Variants in R3HDM1 observed in about 807,000 individuals in gnomAD.
R3HDM1 encodes R3H domain containing 1, also known as R3H domain-containing protein 1.
In R3HDM1, 46 loss-of-function variants were observed where a neutral mutation model predicts 141.1. The ratio of observed to expected loss-of-function variants is 0.33; its 90% confidence interval spans 0.26 to 0.42. The LOEUF is 0.42. Among genes scored for constraint, R3HDM1 ranks in the 10% least tolerant of loss-of-function variants. The pLI, the probability that R3HDM1 is intolerant of heterozygous loss-of-function variation, is 1.00. For synonymous variants in R3HDM1, 435 were observed against 472.9 expected (o/e 0.92, Z 1.04); for missense variants, 1,184 against 1,368.3 (o/e 0.87, Z 2.12).
At chr2:135,569,862 G>GA (rs1450627077) in intron 1 of R3HDM1, among the ~76,000 whole-genome samples, 1 of 152,014 alleles carries the variant, frequency 6.6e-6, no homozygotes, top group Non-Finnish European at 1.5e-5. Context: ...GAGTAGCTGG[G>GA]ACTACAGGTG....
chr2:135,602,691 AT>A lies in R3HDM1; in HGVS notation c.-57del. On this transcript the variant is annotated 5_prime_UTR_variant, in exon 2 of 27. It removes the in-frame stop codon of an upstream open reading frame in the 5' UTR. Transcript: ENST00000683871. The stretch of plus-strand genomic sequence containing the variant: ...TTTTTGTGGGACACCACAATCCCAA[AT>A]CCAAAGGACGCATCAGGTAATGCTT... The A allele has an allele frequency of 6.5e-7, 1 of 1,527,986 alleles. No individual in the cohort carries two copies. Among genetic ancestry groups the A allele is most frequent in the Non-Finnish European group, 8.8e-7 (1 of 1,139,854 alleles). 94.7% of individuals were successfully genotyped at this position (1,527,986 alleles called of 1,614,324 possible).
At chr2:135,581,083 C>A in intron 1 of R3HDM1, 1 of 632,990 alleles carries the variant, frequency 1.6e-6, no homozygotes, top group South Asian at 7.1e-5. Flanking sequence ...ACTAGACCAT[C>A]TATGGTATGA....
At chr2:135,533,813 C>T (rs1477718016) in intron 1 of R3HDM1, 5 of 182,308 alleles carry the variant, frequency 2.7e-5, no homozygotes, top group Non-Finnish European at 4.2e-5. Flanking sequence ...TGGGAGGCAG[C>T]GGTGAGCCGA....
At chr2:135,641,405 A>G (rs2063780216) in intron 14 of R3HDM1, 131 bp from the exon 15 acceptor site, 2 of 1,077,346 alleles carry the variant, frequency 1.9e-6, no homozygotes, top group African/African-American at 1.6e-5. Context: ...CGTGGACAGT[A>G]AATTAAAAAG....
intron 1 of R3HDM1, among the ~76,000 whole-genome samples, chr2:135,574,352 T>C (rs1214011174): frequency 6.6e-6 from 1 of 152,188 alleles, no homozygotes; most frequent in East Asian, 1.9e-4. Flanking sequence ...AAATAATTCT[T>C]CTAAACTATC....
intron 21 of R3HDM1, among the ~76,000 whole-genome samples, chr2:135,704,088 C>A (rs1575139347): frequency 6.6e-6 from 1 of 152,214 alleles, no homozygotes; most frequent in East Asian, 1.9e-4. Flanking sequence ...TCAAGCAGTT[C>A]TCCTGCCTCA....
intron 1 of R3HDM1, among the ~76,000 whole-genome samples, chr2:135,599,099 A>G (rs1222774584): frequency 6.6e-6 from 1 of 152,124 alleles, no homozygotes; most frequent in Non-Finnish European, 1.5e-5. Flanking sequence ...TTACTTTTTT[A>G]AGGTTATGAC....
chr2:135,616,741 TATCACAGGAG>T lies in R3HDM1; in HGVS notation c.289_298del (p.Ser97ThrfsTer9), dbSNP rs1559252149. On this transcript the variant is annotated frameshift_variant, in exon 5 of 27. Transcript: ENST00000683871. LOFTEE classifies it high-confidence loss of function. ...TCTCCACCACCCCCTGCACCAGAGA[TATCACAGGAG>T]AACCAGGTAAAAAAGCAAAACAAAT... is the stretch of plus-strand genomic sequence containing the variant. 1 of 1,604,718 alleles carries T rather than the reference TATCACAGGAG, an allele frequency of 6.2e-7. No individual in the cohort carries two copies. The highest frequency in any genetic ancestry group is 8.5e-7 in the Non-Finnish European group (1 of 1,173,544).
At chr2:135,617,234 G>A (rs1214500736) in intron 5 of R3HDM1, among the ~76,000 whole-genome samples, 2 of 152,026 alleles carry the variant, frequency 1.3e-5, no homozygotes, top group East Asian at 1.9e-4. Context: ...GGCTGAGGCA[G>A]GAAAATGGTG....
intron 1 of R3HDM1, among the ~76,000 whole-genome samples, chr2:135,590,959 T>A (rs1288501725): frequency 6.6e-6 from 1 of 152,150 alleles, no homozygotes; most frequent in Non-Finnish European, 1.5e-5. Context: ...TGTGATCCTT[T>A]GTTAGAAAAA....
At chr2:135,668,557 AG>A (rs2067867216) in intron 19 of R3HDM1, among the ~76,000 whole-genome samples, 1 of 152,218 alleles carries the variant, frequency 6.6e-6, no homozygotes, top group Non-Finnish European at 1.5e-5. Context: ...AGTTTAGAAC[AG>A]TTCTTCAGAC....
At position 135,651,941 on chromosome 2, in the gene R3HDM1, C is replaced by G. The variant is rs755286565; in HGVS notation, c.1937C>G (p.Pro646Arg). ...PPPPPLPPGQ[P>R]VPTAGYPASG... is the part of the protein sequence containing the mutation. ...CCTCCTCCCCTACCACCTGGGCAGCCAGTCCCTACTGCTGGATATCCTGCC... is the reference window on the plus strand; with the variant it reads ...CCTCCTCCCCTACCACCTGGGCAGCGAGTCCCTACTGCTGGATATCCTGCC... The change falls in exon 18 of 27, where the codon CCA (proline) becomes CGA (arginine). Residue 646 changes from proline (P) to arginine (R), a missense_variant. Around this residue, in one of 5 missense-constraint regions of R3HDM1, gnomAD observed 563 missense variants for 562.0 expected, o/e 1.00. Coordinates refer to ENST00000683871, the MANE Select transcript of R3HDM1 (RefSeq NM_001378107.1). 13 of 1,613,952 alleles carry G rather than the reference C, an allele frequency of 8.1e-6. No homozygotes were observed. In the Admixed American group the frequency reaches 2.2e-4, roughly 27 times the overall value.
At position 135,531,520 on chromosome 2, in the gene R3HDM1, C is replaced by T; in HGVS notation, c.-363C>T. The T allele has an allele frequency of 1.0e-6, 1 of 985,642 alleles. No individual in the cohort carries two copies. The highest frequency in any genetic ancestry group is 1.2e-6 in the Non-Finnish European group (1 of 829,938). 61.1% of individuals were successfully genotyped at this position (985,642 alleles called of 1,614,324 possible). A position where few individuals can be genotyped will look rare whatever the true frequency, so the allele number is the denominator to read the frequency against. On this transcript the variant is annotated 5_prime_UTR_variant, in exon 1 of 27. Coordinates refer to ENST00000683871, the MANE Select transcript of R3HDM1 (RefSeq NM_001378107.1). ...CGCGGCTGCCGCTGGAGCCGGTGTC[C>T]GGGCTGGTGATGGGGTTAATTCCCT...
chr2:135,556,792 A>G (rs1022257743), intron 1 of R3HDM1, among the ~76,000 whole-genome samples: 4 of 152,278 alleles, frequency 2.6e-5, no homozygotes, highest in African/African-American at 9.6e-5. Context: ...TGCTGGGATT[A>G]CAGGCATGAG....
At chr2:135,670,459 A>G in intron 19 of R3HDM1, 3 of 902,704 alleles carry the variant, frequency 3.3e-6, no homozygotes, top group Non-Finnish European at 4.0e-6. Flanking sequence ...TTACTTAAAT[A>G]CTTTCTTCCC....
At chr2:135,621,726 G>A in intron 6 of R3HDM1, 118 bp downstream of exon 6, 1 of 1,332,292 alleles carries the variant, frequency 7.5e-7, no homozygotes, top group Non-Finnish European at 9.7e-7. Context: ...GAACAGACTG[G>A]AAGGATGATA....
intron 1 of R3HDM1, among the ~76,000 whole-genome samples, chr2:135,577,792 C>T (rs190096867): frequency 1.4e-4 from 21 of 147,384 alleles, no homozygotes; most frequent in Non-Finnish European, 3.0e-4. Context: ...GAGCCAAGAT[C>T]GCGCCATTGC....
chr2:135,560,514 A>T (rs1701611125), intron 1 of R3HDM1, among the ~76,000 whole-genome samples: 1 of 152,120 alleles, frequency 6.6e-6, no homozygotes, highest in Non-Finnish European at 1.5e-5. Context: ...GGGTTTCACC[A>T]CGTTGACCAG....
intron 21 of R3HDM1, among the ~76,000 whole-genome samples, chr2:135,683,364 G>A (rs1474532013): frequency 6.6e-6 from 1 of 152,138 alleles, no homozygotes; most frequent in East Asian, 1.9e-4. Context: ...GACCAGCCTA[G>A]CCAACATGTT....
Sources: gnomAD v4.1 joint callset for allele counts (sites outside exome capture counted in the v4.1 genomes callset) on GRCh38, gnomAD v4.1.1 for gene constraint, gnomAD v4.1.1 regional missense constraint, MANE v1.5 for transcripts, NCBI Gene and HGNC (gene_info 2026-07-23, HGNC 2026-07-21) for gene names.